Variants in EPS8 observed in about 807,000 individuals in gnomAD.
EPS8 encodes epidermal growth factor receptor kinase substrate 8.
EPS8 carries 42 observed loss-of-function variants against 103.8 expected under a neutral mutation model. That is an observed-to-expected ratio of 0.40 (90% CI 0.32 to 0.52). The LOEUF (loss-of-function observed/expected upper bound fraction) is 0.52, where lower values mean the gene tolerates loss of function less well. EPS8 is among the 20% of genes least tolerant of loss of function. The pLI, the probability that EPS8 is intolerant of heterozygous loss-of-function variation, is 0.40. For missense variants in EPS8, 969 were observed against 1,005.1 expected (o/e 0.96, Z 0.49); for synonymous variants, 344 against 344.6 (o/e 1.00, Z 0.02).
At chr12:15,631,392 TAGTGCTTTTAATTTGCAGA>T in intron 18 of EPS8, 31 bp downstream of exon 18, 1 of 1,610,338 alleles carries the variant, frequency 6.2e-7, no homozygotes, top group Non-Finnish European at 8.5e-7. Flanking sequence ...TTTTACTTAG[TAGTGCTTTTAATTTGCAGA>T]AGACATTTTT....
chr12:15,655,264 C>A lies in EPS8; in HGVS notation c.1102-971G>T, dbSNP rs769780728. Among the ~76,000 whole-genome samples, 3 of 152,152 alleles carry A rather than the reference C, an allele frequency of 2.0e-5. No homozygotes were observed. The South Asian group carries it at 6.2e-4, about 32-fold the overall frequency. Reference sequence around the variant, plus strand: ...ACCCCACAGTGTAACTCCGATGTACCACTCCCCAGCCTGCGTCCTCTAAAC... The same window carrying A: ...ACCCCACAGTGTAACTCCGATGTACAACTCCCCAGCCTGCGTCCTCTAAAC... On this transcript the variant is annotated intron_variant, in intron 12 of 20. Transcript: ENST00000281172.
At position 15,731,072 on chromosome 12, in the gene EPS8, T is replaced by A. The variant is rs761589055; in HGVS notation, c.-21-48100A>T. Among the ~76,000 whole-genome samples the A allele has an allele frequency of 5.0e-4, 76 of 152,146 alleles. No individual in the cohort carries two copies. The highest frequency in any genetic ancestry group is 8.5e-4 in the Non-Finnish European group (58 of 68,026). ...CAAAAAGTTCAGTCAAAAATATATA[T>A]CATAGTACCTTAAAGGCATATCTAT... On this transcript the variant is annotated intron_variant, in intron 1 of 20. Coordinates refer to ENST00000281172, the MANE Select transcript of EPS8 (RefSeq NM_004447.6). This position sits in a 1 kb window ranked among gnomAD's most constrained non-coding sequence, Gnocchi z 5.1.
chr12:15,715,397 T>TTTC (rs1555121461), intron 1 of EPS8, among the ~76,000 whole-genome samples: 28 of 142,622 alleles, frequency 2.0e-4, no homozygotes, highest in Non-Finnish European at 4.3e-4. Flanking sequence ...TACTTTTCTT[T>TTTC]TTTTTTTTTT....
rs373141938 is a variant in EPS8 at position 15,715,838 on chromosome 12, A to T, written c.-21-32866T>A. Among the ~76,000 whole-genome samples, 97 of 152,114 alleles carry T rather than the reference A, an allele frequency of 6.4e-4. No individual in the cohort carries two copies. In the South Asian group the frequency reaches 7.7e-3, roughly 12 times the overall value. ...TTCCCGAACACTAATTTCCATCTCA[A>T]AATCTGCTTTCTGGGGAACCCAAAC... On this transcript the variant is annotated intron_variant, in intron 1 of 20. Coordinates refer to ENST00000281172, the MANE Select transcript of EPS8 (RefSeq NM_004447.6).
intron 1 of EPS8, among the ~76,000 whole-genome samples, chr12:15,709,059 A>C (rs1946426391): frequency 6.6e-6 from 1 of 152,218 alleles, no homozygotes; most frequent in African/African-American, 2.4e-5. Context: ...CATTCCAACA[A>C]AGGAGTAAAA....
chr12:15,687,160 A>C (rs1343275204), intron 1 of EPS8, among the ~76,000 whole-genome samples: 1 of 152,040 alleles, frequency 6.6e-6, no homozygotes, highest in African/African-American at 2.4e-5. Flanking sequence ...ATCATCACAC[A>C]TTTTGTCTCC....
Position 15,725,759 on chromosome 12 carries a change from A to G in EPS8, c.-21-42787T>C, listed in dbSNP as rs552669181. On this transcript the variant is annotated intron_variant, in intron 1 of 20. Coordinates refer to ENST00000281172, the MANE Select transcript of EPS8 (RefSeq NM_004447.6). This position sits in a 1 kb window ranked among gnomAD's most constrained non-coding sequence, Gnocchi z 4.5. ...AAGATGGAAAAATATGAATTTTAAA[A>G]ATTTACAAGCTCTGTCAACATACAA... 8.3e-4 allele frequency among the ~76,000 whole-genome samples: 127 copies of G among 152,314 alleles called. No homozygotes were observed. Among genetic ancestry groups the G allele is most frequent in the Non-Finnish European group, 8.5e-4 (58 of 68,020 alleles).
At chr12:15,630,783 A>G (rs915753235) in intron 18 of EPS8, among the ~76,000 whole-genome samples, 7 of 152,162 alleles carry the variant, frequency 4.6e-5, no homozygotes, top group Admixed American at 1.3e-4. Flanking sequence ...ACAGGGGTCA[A>G]AATCAGTCAG....
At chr12:15,673,584 C>T (rs1377468716) in intron 3 of EPS8, among the ~76,000 whole-genome samples, 4 of 152,148 alleles carry the variant, frequency 2.6e-5, no homozygotes, top group Admixed American at 2.6e-4. Flanking sequence ...AAATTCACCA[C>T]TTTTGCTAAC....
At chr12:15,624,814 G>A (rs1460906304) in intron 18 of EPS8, among the ~76,000 whole-genome samples, 1 of 152,156 alleles carries the variant, frequency 6.6e-6, no homozygotes, top group Admixed American at 6.5e-5. Context: ...ACTGGGGACA[G>A]TTTTGGCCCC....
intron 3 of EPS8, among the ~76,000 whole-genome samples, chr12:15,680,225 C>G (rs543564501): frequency 1.5e-3 from 224 of 152,116 alleles, no homozygotes; most frequent in African/African-American, 5.1e-3. Context: ...ATCACAAAAC[C>G]TTAGAATTGT....
At chr12:15,622,078 A>G (rs749487673) in intron 20 of EPS8, among the ~76,000 whole-genome samples, 1 of 152,186 alleles carries the variant, frequency 6.6e-6, no homozygotes, top group Non-Finnish European at 1.5e-5. Context: ...ACCATCCTGA[A>G]GTGGGTGGTG....
At chr12:15,783,423 G>T (rs963448730) in intron 1 of EPS8, among the ~76,000 whole-genome samples, 1 of 152,120 alleles carries the variant, frequency 6.6e-6, no homozygotes, top group Non-Finnish European at 1.5e-5. Flanking sequence ...CTGTGCAGGG[G>T]TCAGTGAGTC....
At position 15,761,948 on chromosome 12, in the gene EPS8, G is replaced by A. The variant is rs1377672882; in HGVS notation, c.-22+27213C>T. Among the ~76,000 whole-genome samples the A allele has an allele frequency of 6.6e-6, 1 of 152,064 alleles. No individual in the cohort carries two copies. The highest frequency in any genetic ancestry group is 1.9e-4 in the East Asian group (1 of 5,184). ...AAAGGGACAAATGGGATCATATCAA[G>A]TTAAAAACCTTCTGAATAGCAAATG... is the stretch of plus-strand genomic sequence containing the variant. On this transcript the variant is annotated intron_variant, in intron 1 of 20. Coordinates refer to ENST00000281172, the MANE Select transcript of EPS8 (RefSeq NM_004447.6). This position sits in a 1 kb window ranked among gnomAD's most constrained non-coding sequence, Gnocchi z 4.5.
chr12:15,753,900 A>G (rs1034848938), intron 1 of EPS8, among the ~76,000 whole-genome samples: 9 of 152,264 alleles, frequency 5.9e-5, no homozygotes, highest in African/African-American at 2.2e-4. Flanking sequence ...CAATGAGGGC[A>G]ATTACTGTTT....
rs1443954520 is a variant in EPS8, at chr12:15,717,356, G to GC, written c.-21-34385dup. The stretch of plus-strand genomic sequence containing the variant: ...AATCCTAGCACTTTGGGAGGCCGAG[G>GC]CAAGTGGATCATCTGAGGTCAGGAG... On this transcript the variant is annotated intron_variant, in intron 1 of 20. Coordinates refer to ENST00000281172, the MANE Select transcript of EPS8 (RefSeq NM_004447.6). The surrounding 1 kb of genome is among the most constrained non-coding windows in gnomAD (Gnocchi z 4.3). Among the ~76,000 whole-genome samples the GC allele has an allele frequency of 6.6e-6, 1 of 152,188 alleles. No homozygotes were observed. The highest frequency in any genetic ancestry group is 6.5e-5 in the Admixed American group (1 of 15,272).
intron 14 of EPS8, among the ~76,000 whole-genome samples, chr12:15,649,829 C>A (rs1170910313): frequency 6.6e-6 from 1 of 152,156 alleles, no homozygotes; most frequent in African/African-American, 2.4e-5. Context: ...TTTGACAATT[C>A]ATTCCCTCAT....
In EPS8 at chr12:15,644,952, G is replaced by A. The variant is rs112289303; in HGVS notation, c.1568+2175C>T. Among the ~76,000 whole-genome samples the A allele has an allele frequency of 8.0e-4, 122 of 152,198 alleles. 2 individuals carry two copies. Among genetic ancestry groups the A allele is most frequent in the African/African-American group, 2.8e-3 (118 of 41,536 alleles). On this transcript the variant is annotated intron_variant, in intron 15 of 20. Transcript: ENST00000281172. ...ACTATCCTAGCTCCTATTAAGTCCA[G>A]CTGAGACAGAATCCATAAGAACAAC...
chr12:15,664,514 C>G (rs1945673873), intron 8 of EPS8, among the ~76,000 whole-genome samples: 1 of 152,098 alleles, frequency 6.6e-6, no homozygotes, highest in Admixed American at 6.6e-5. Context: ...TCAGAGCAAC[C>G]CATGAATTAT....
Sources: allele counts gnomAD v4.1 joint callset (sites outside exome capture counted in the v4.1 genomes callset), GRCh38; gene constraint gnomAD v4.1.1; non-coding constraint Gnocchi (gnomAD v3.1); transcripts MANE v1.5; gene names NCBI Gene and HGNC (gene_info 2026-07-23, HGNC 2026-07-21).